Variants in IL1RAPL1 observed in about 807,000 individuals in gnomAD.
The protein encoded by IL1RAPL1 is interleukin 1 receptor accessory protein like 1, also known as interleukin-1 receptor accessory protein-like 1.
A neutral mutation model predicts 48.4 loss-of-function variants in IL1RAPL1; 3 were observed. The ratio of observed to expected loss-of-function variants is 0.06; its 90% CI spans 0.03 to 0.16. IL1RAPL1 has a LOEUF of 0.16. IL1RAPL1 is among the 10% of genes least tolerant of loss of function. IL1RAPL1 has a pLI of 1.00. For missense variants in IL1RAPL1, 349 were observed against 530.6 expected, an observed-to-expected ratio of 0.66 and a Z score of 3.36; for synonymous variants, 185 against 187.7, an observed-to-expected ratio of 0.99 and a Z score of 0.12.
chrX:29,506,181 T>C (rs1935325196), intron 5 of IL1RAPL1, among the ~76,000 whole-genome samples: 1 of 112,319 alleles, frequency 8.9e-6, no homozygotes, highest in African/African-American at 3.2e-5. Context: ...ACAACTACCA[T>C]TGTGTATTCT....
intron 6 of IL1RAPL1, among the ~76,000 whole-genome samples, chrX:29,906,228 G>C (rs1050285675): frequency 2.9e-5 from 3 of 104,546 alleles, no homozygotes; most frequent in Non-Finnish European, 3.9e-5. Flanking sequence ...CCAGCTACTC[G>C]GGAGGCTGAG....
intron 6 of IL1RAPL1, among the ~76,000 whole-genome samples, chrX:29,821,014 G>A (rs1230499322): frequency 8.9e-6 from 1 of 111,927 alleles, no homozygotes; most frequent in Non-Finnish European, 1.9e-5. Flanking sequence ...AAGCTTTGAT[G>A]TGTCTTTGGT....
At chrX:29,831,555 G>A (rs984432768) in intron 6 of IL1RAPL1, among the ~76,000 whole-genome samples, 3 of 111,939 alleles carry the variant, frequency 2.7e-5, no homozygotes, top group Non-Finnish European at 5.6e-5. Context: ...AAGGGTTTTC[G>A]TTGTTGTGCT....
intron 6 of IL1RAPL1, among the ~76,000 whole-genome samples, chrX:29,758,078 T>A (rs769360069): frequency 8.9e-6 from 1 of 111,942 alleles, no homozygotes; most frequent in South Asian, 3.7e-4. Context: ...TTATTTTATT[T>A]GCCTATCTCT....
At chrX:29,528,344 T>G (rs1454370857) in intron 5 of IL1RAPL1, among the ~76,000 whole-genome samples, 1 of 112,501 alleles carries the variant, frequency 8.9e-6, no homozygotes, top group Non-Finnish European at 1.9e-5. Flanking sequence ...GATCTCTTGA[T>G]GAACTAATAT....
intron 5 of IL1RAPL1, among the ~76,000 whole-genome samples, chrX:29,536,004 G>A (rs753408822): frequency 6.6e-4 from 74 of 111,951 alleles, no homozygotes; most frequent in Non-Finnish European, 1.1e-3. Context: ...AGTTGTATAA[G>A]AGCACAACCT....
intron 1 of IL1RAPL1, among the ~76,000 whole-genome samples, chrX:28,750,826 T>C (rs1936034451): frequency 8.9e-6 from 1 of 112,289 alleles, no homozygotes; most frequent in Non-Finnish European, 1.9e-5. Flanking sequence ...GAAATAGTTA[T>C]ATATGTAAGA....
chrX:29,020,013 TGAG>T (rs1454723361), intron 2 of IL1RAPL1, among the ~76,000 whole-genome samples: 2 of 112,322 alleles, frequency 1.8e-5, no homozygotes, highest in East Asian at 2.8e-4. Flanking sequence ...TTATGTCAAG[TGAG>T]GAGAACGTTG....
intron 6 of IL1RAPL1, among the ~76,000 whole-genome samples, chrX:29,684,301 C>G: frequency 9.0e-6 from 1 of 111,662 alleles, no homozygotes; most frequent in East Asian, 2.8e-4. Context: ...TGCCTTCTAG[C>G]TGAGTCTTCC....
intron 6 of IL1RAPL1, among the ~76,000 whole-genome samples, chrX:29,717,023 T>A (rs137991232): frequency 0.036 from 4,026 of 110,871 alleles, 187 homozygotes; most frequent in African/African-American, 0.13. Flanking sequence ...ATAACACCAT[T>A]TAGTTTGTAA....
intron 6 of IL1RAPL1, among the ~76,000 whole-genome samples, chrX:29,866,665 A>G (rs915976451): frequency 6.6e-5 from 7 of 106,179 alleles, no homozygotes; most frequent in African/African-American, 2.4e-4. Flanking sequence ...AGAAACACCT[A>G]TCTCGTGTGC....
Position 29,186,279 on chromosome X carries a change from T to A in IL1RAPL1, c.83-96659T>A, listed in dbSNP as rs1465832997. ...GGTATGAAAAATGATGTAATTGGCCTCATAAGTCTTCTTTGTGACCAACTT... is the reference window on the plus strand; with the variant it reads ...GGTATGAAAAATGATGTAATTGGCCACATAAGTCTTCTTTGTGACCAACTT... On this transcript the variant is annotated intron_variant, in intron 2 of 10. Coordinates refer to ENST00000378993, the MANE Select transcript of IL1RAPL1 (RefSeq NM_014271.4). Among the ~76,000 whole-genome samples the A allele has an allele frequency of 3.6e-5, 4 of 112,008 alleles. No homozygotes were observed. The East Asian group carries it at 1.1e-3, about 31-fold the overall frequency.
chrX:29,696,733 T>G (rs1480473883), intron 6 of IL1RAPL1, among the ~76,000 whole-genome samples: 1 of 111,418 alleles, frequency 9.0e-6, no homozygotes, highest in African/African-American at 3.3e-5. Flanking sequence ...AAATCATTGC[T>G]TTCATTTCCA....
chrX:29,044,946 C>T (rs760546604), intron 2 of IL1RAPL1, among the ~76,000 whole-genome samples: 4 of 111,577 alleles, frequency 3.6e-5, no homozygotes, highest in Non-Finnish European at 5.7e-5. Flanking sequence ...TTCCAATCTC[C>T]GGCAGGCTGT....
At chrX:29,630,241 G>T (rs898677072) in intron 5 of IL1RAPL1, among the ~76,000 whole-genome samples, 5 of 110,818 alleles carry the variant, frequency 4.5e-5, no homozygotes, top group Non-Finnish European at 9.4e-5. Flanking sequence ...TCATCCCTAT[G>T]ACCTAACCAC....
chrX:29,614,812 G>T (rs139631560), intron 5 of IL1RAPL1, among the ~76,000 whole-genome samples: 12,772 of 111,264 alleles, frequency 0.11, 956 homozygotes, highest in African/African-American at 0.26. Context: ...GCCAATAGAT[G>T]TCTTTAAGGA....
intron 5 of IL1RAPL1, among the ~76,000 whole-genome samples, chrX:29,523,886 C>T (rs191492934): frequency 4.3e-4 from 47 of 110,324 alleles, no homozygotes; most frequent in African/African-American, 1.5e-3. Flanking sequence ...AAATTCATGT[C>T]AGATCTACCC....
At chrX:29,037,770 G>C (rs779295869) in intron 2 of IL1RAPL1, among the ~76,000 whole-genome samples, 2 of 111,885 alleles carry the variant, frequency 1.8e-5, no homozygotes, top group South Asian at 7.5e-4. Context: ...GGAAGAACTA[G>C]AAATTATAGT....
At chrX:29,491,187 C>T (rs1182255380) in intron 5 of IL1RAPL1, among the ~76,000 whole-genome samples, 1 of 111,786 alleles carries the variant, frequency 8.9e-6, no homozygotes, top group Non-Finnish European at 1.9e-5. Context: ...ACTGAGTATT[C>T]TGATTCATCC....
Sources: allele counts gnomAD v4.1 joint callset (sites outside exome capture counted in the v4.1 genomes callset), GRCh38; gene constraint gnomAD v4.1.1; transcripts MANE v1.5; gene names NCBI Gene and HGNC (gene_info 2026-07-23, HGNC 2026-07-21).